The following MEF2A variants were observed in gnomAD, a reference collection of about 807,000 sequenced individuals.
MEF2A encodes the protein myocyte enhancer factor 2A, also known as myocyte-specific enhancer factor 2A.
In MEF2A, 28 loss-of-function variants were observed where a neutral mutation model predicts 55.8. The ratio of observed to expected loss-of-function variants is 0.50; its 90% CI spans 0.37 to 0.69. The LOEUF (loss-of-function observed/expected upper bound fraction) is 0.69. Ranked by LOEUF, MEF2A falls within the 30% of genes least tolerant of loss-of-function variation. MEF2A has a pLI of 0.00. For missense variants in MEF2A, 528 were observed against 626.2 expected, an observed-to-expected ratio of 0.84 and a Z score of 1.67; for synonymous variants, 239 against 227.1, an observed-to-expected ratio of 1.05 and a Z score of -0.47.
At chr15:99,590,532 CTT>C (rs1189174708) in intron 1 of MEF2A, among the ~76,000 whole-genome samples, 7 of 150,314 alleles carry the variant, frequency 4.7e-5, no homozygotes, top group African/African-American at 1.7e-4. Flanking sequence ...ATCTTGCCAT[CTT>C]TGTTTTCTAC....
chr15:99,651,581 A>G (rs1423845734), intron 4 of MEF2A, among the ~76,000 whole-genome samples: 1 of 152,164 alleles, frequency 6.6e-6, no homozygotes, highest in South Asian at 2.1e-4. Context: ...CAGAGCCTGA[A>G]GCAGCAGGAT....
chr15:99,681,147 A>G (rs920312331), intron 7 of MEF2A, among the ~76,000 whole-genome samples: 6 of 152,242 alleles, frequency 3.9e-5, no homozygotes, highest in African/African-American at 1.4e-4. Flanking sequence ...CACTTTTTAA[A>G]AACACGTTGA....
At chr15:99,635,681 C>T (rs1257999539) in intron 3 of MEF2A, among the ~76,000 whole-genome samples, 1 of 152,088 alleles carries the variant, frequency 6.6e-6, no homozygotes, top group African/African-American at 2.4e-5. Context: ...TTTATATGAA[C>T]AGTGTGTCTT....
intron 2 of MEF2A, among the ~76,000 whole-genome samples, chr15:99,628,404 TA>T (rs1041897033): frequency 2.6e-5 from 4 of 152,208 alleles, no homozygotes; most frequent in African/African-American, 9.6e-5. Context: ...TATCTTCTTT[TA>T]AAAATTGAGG....
intron 7 of MEF2A, among the ~76,000 whole-genome samples, chr15:99,689,562 C>T (rs530296658): frequency 1.9e-4 from 29 of 152,304 alleles, no homozygotes; most frequent in South Asian, 1.7e-3. Flanking sequence ...CTCACGGCAA[C>T]CTCCGTCTCC....
At chr15:99,666,352 C>T (rs1256299671) in intron 4 of MEF2A, among the ~76,000 whole-genome samples, 1 of 152,046 alleles carries the variant, frequency 6.6e-6, no homozygotes, top group Non-Finnish European at 1.5e-5. Flanking sequence ...GAAAACTAAA[C>T]ACCGCATGTT....
chr15:99,628,931 T>A (rs2042467084), intron 2 of MEF2A, among the ~76,000 whole-genome samples: 1 of 151,990 alleles, frequency 6.6e-6, no homozygotes, highest in Admixed American at 6.6e-5. Context: ...TGCCTTAAAG[T>A]TGCCTCTCTA....
At position 99,588,723 on chromosome 15, in the gene MEF2A, G is replaced by T. The variant is rs554226124; in HGVS notation, c.-224-9707G>T. ...CTCCCAAAGTGCTGGAGTTATAGCC[G>T]TGAGCCACTGCACCTGGCCAGTTTG... On this transcript the variant is annotated intron_variant, in intron 1 of 11. Transcript: ENST00000557942. Among the ~76,000 whole-genome samples, 161 of 151,936 alleles carry T rather than the reference G, an allele frequency of 1.1e-3. 1 individual carries two copies. Among genetic ancestry groups the T allele is most frequent in the African/African-American group, 3.8e-3 (156 of 41,444 alleles).
intron 1 of MEF2A, among the ~76,000 whole-genome samples, chr15:99,573,333 A>G (rs1448152913): frequency 6.6e-6 from 1 of 151,898 alleles, no homozygotes; most frequent in African/African-American, 2.4e-5. Context: ...AACGGAAATA[A>G]CCAACCACAG....
At chr15:99,573,011 G>A (rs895810946) in intron 1 of MEF2A, among the ~76,000 whole-genome samples, 5 of 152,142 alleles carry the variant, frequency 3.3e-5, no homozygotes, top group African/African-American at 7.2e-5. Flanking sequence ...CTAATCGGCC[G>A]GGCGCGGTGG....
At chr15:99,565,954 T>G (rs952871534), upstream of MEF2A, 7 of 152,250 alleles carry the variant, frequency 4.6e-5, no homozygotes, top group South Asian at 2.1e-4. Context: ...TGGCCGAGGC[T>G]TGTCTCCTAA....
chr15:99,674,438 G>C lies in MEF2A; in HGVS notation c.436G>C (p.Val146Leu). Residue 146 changes from valine to leucine, a missense_variant, in exon 6 of 12, where the codon GTG becomes CTG. Physicochemically the swap from Val to Leu is conservative, Grantham distance 32. This residue lies in a region of MEF2A where 450 missense variants were observed against 475.3 expected (regional missense o/e 0.95). Transcript: ENST00000557942. Reference protein sequence around the residue: ...QNFSMSVTVPVTSPNALSYTN... With the variant: ...QNFSMSVTVPLTSPNALSYTN... ...CTTTTCAATGTCTGTCACAGTTCCA[G>C]TGACCAGCCCCAATGCTTTGTCCTA... The C allele has an allele frequency of 2.5e-6, 4 of 1,613,388 alleles. No homozygotes were observed. The highest frequency in any genetic ancestry group is 3.4e-6 in the Non-Finnish European group (4 of 1,179,550).
chr15:99,678,899 C>G (rs1441572465), intron 7 of MEF2A: 1 of 154,246 alleles, frequency 6.5e-6, no homozygotes, highest in Non-Finnish European at 1.4e-5. Context: ...AGAATACCTA[C>G]AAATCAGTAA....
intron 2 of MEF2A, among the ~76,000 whole-genome samples, chr15:99,629,906 C>T (rs1417253161): frequency 6.6e-6 from 1 of 151,880 alleles, no homozygotes; most frequent in Non-Finnish European, 1.5e-5. Flanking sequence ...CGCCACTGCA[C>T]TCCAGCCTGG....
At chr15:99,682,643 C>T (rs2053459709) in intron 7 of MEF2A, among the ~76,000 whole-genome samples, 1 of 152,170 alleles carries the variant, frequency 6.6e-6, no homozygotes, top group African/African-American at 2.4e-5. Flanking sequence ...TTACATCATC[C>T]TTTAATCATC....
chr15:99,671,575 A>T, intron 5 of MEF2A, 121 bp downstream of exon 5: 1 of 1,611,592 alleles, frequency 6.2e-7, no homozygotes, highest in East Asian at 2.2e-5. Flanking sequence ...GATACTTCAT[A>T]TGTGCTAACT....
At chr15:99,569,036 A>G (rs947202936) in intron 1 of MEF2A, among the ~76,000 whole-genome samples, 1 of 152,192 alleles carries the variant, frequency 6.6e-6, no homozygotes, top group Non-Finnish European at 1.5e-5. Context: ...AAATCAGATC[A>G]CCCTTTAAGC....
At chr15:99,595,898 G>A (rs994649444) in intron 1 of MEF2A, among the ~76,000 whole-genome samples, 2 of 152,138 alleles carry the variant, frequency 1.3e-5, no homozygotes, top group Admixed American at 6.5e-5. Flanking sequence ...ACGGGTAGTC[G>A]AGGGAGATAG....
intron 4 of MEF2A, among the ~76,000 whole-genome samples, chr15:99,664,017 C>G (rs1195019175): frequency 6.6e-6 from 1 of 152,136 alleles, no homozygotes; most frequent in African/African-American, 2.4e-5. Context: ...GGACGTATGA[C>G]TTTAAAGATT....
Sources: gnomAD v4.1 joint callset for allele counts (sites outside exome capture counted in the v4.1 genomes callset) on GRCh38, gnomAD v4.1.1 for gene constraint, gnomAD v4.1.1 regional missense constraint, MANE v1.5 for transcripts, NCBI Gene and HGNC (gene_info 2026-07-23, HGNC 2026-07-21) for gene names.